The following TENM4 variants were observed in gnomAD, a reference collection of about 807,000 sequenced individuals.
TENM4 encodes teneurin-4.
A neutral mutation model predicts 243.3 loss-of-function variants in TENM4; 82 were observed. The observed-to-expected ratio is 0.34, with a 90% CI of 0.28 to 0.40. The LOEUF is 0.40. TENM4 is among the 10% of genes least tolerant of loss of function. The probability of loss-of-function intolerance (pLI) is 1.00; values close to 1 mark genes in which losing one functional copy is unlikely to be tolerated. For synonymous variants in TENM4, 1,412 were observed against 1,456.3 expected (o/e 0.97, Z 0.69); for missense variants, 3,138 against 3,673.3 (o/e 0.85, Z 3.77).
At chr11:79,330,090 G>C (rs1857037769) in intron 1 of TENM4, among the ~76,000 whole-genome samples, 1 of 152,184 alleles carries the variant, frequency 6.6e-6, no homozygotes, top group African/African-American at 2.4e-5. Flanking sequence ...GAAAAGCCCT[G>C]TTTGCCTATT....
chr11:79,133,336 T>C (rs940422975), intron 4 of TENM4, among the ~76,000 whole-genome samples: 1 of 152,046 alleles, frequency 6.6e-6, no homozygotes, highest in Admixed American at 6.6e-5. Context: ...CAATAACAAG[T>C]AGCGAAACTG....
At chr11:79,115,550 C>A (rs1280619438) in intron 4 of TENM4, among the ~76,000 whole-genome samples, 1 of 152,090 alleles carries the variant, frequency 6.6e-6, no homozygotes. Context: ...GGGTTTTCAC[C>A]CTGAATCTTA....
At chr11:79,265,917 C>T (rs1434905839) in intron 2 of TENM4, among the ~76,000 whole-genome samples, 2 of 152,194 alleles carry the variant, frequency 1.3e-5, no homozygotes, top group South Asian at 2.1e-4. Flanking sequence ...AAGATTTCCT[C>T]TCTCTGATGC....
chr11:78,960,438 G>A (rs1244637826), intron 6 of TENM4, among the ~76,000 whole-genome samples: 1 of 152,134 alleles, frequency 6.6e-6, no homozygotes, highest in Non-Finnish European at 1.5e-5. Flanking sequence ...TCATTTGGTG[G>A]GGGAACTCAA....
intron 6 of TENM4, among the ~76,000 whole-genome samples, chr11:78,909,586 G>A (rs548685671): frequency 1.3e-5 from 2 of 152,266 alleles, no homozygotes; most frequent in Admixed American, 6.5e-5. Context: ...TCCAAGTGTC[G>A]ACCACAATAA....
intron 1 of TENM4, among the ~76,000 whole-genome samples, chr11:79,311,104 C>T (rs1395350462): frequency 2.0e-5 from 3 of 152,110 alleles, no homozygotes; most frequent in Non-Finnish European, 2.9e-5. Flanking sequence ...TGGCGAATGT[C>T]GTAGCTAACA....
At chr11:78,879,699 A>G (rs373847413) in intron 9 of TENM4, among the ~76,000 whole-genome samples, 951 of 69,184 alleles carry the variant, frequency 0.014, no homozygotes, top group Middle Eastern at 0.047. Flanking sequence ...TGGCAGCCCC[A>G]TCTGGGAACT....
At chr11:78,837,228 A>G (rs1013024721) in intron 12 of TENM4, among the ~76,000 whole-genome samples, 4 of 152,146 alleles carry the variant, frequency 2.6e-5, no homozygotes, top group Non-Finnish European at 4.4e-5. Context: ...TACTGTTCTC[A>G]TGGTAGTGAA....
In TENM4 at chr11:78,880,685, G is replaced by A. The variant is rs376136073; in HGVS notation, c.1084+9100C>T. On this transcript the variant is annotated intron_variant, in intron 9 of 33. Transcript: ENST00000278550. ...GGTCAAGGATAACACACAGAAAACC[G>A]CAGAATGTTTCTGTTGTTTGCCCCA... Among the ~76,000 whole-genome samples, 123 of 152,264 alleles carry A rather than the reference G, an allele frequency of 8.1e-4. No homozygotes were observed. In the South Asian group the frequency reaches 8.7e-3, roughly 11 times the overall value.
intron 1 of TENM4, among the ~76,000 whole-genome samples, chr11:79,311,098 G>A (rs1195134084): frequency 6.6e-6 from 1 of 152,124 alleles, no homozygotes; most frequent in Non-Finnish European, 1.5e-5. Context: ...GGGTCTTGGC[G>A]AATGTCGTAG....
intron 6 of TENM4, among the ~76,000 whole-genome samples, chr11:79,056,047 C>T (rs773161854): frequency 2.6e-5 from 4 of 152,174 alleles, no homozygotes; most frequent in Non-Finnish European, 5.9e-5. Context: ...ACTCTTTCTT[C>T]CTTGAAGTCA....
chr11:79,322,525 T>G (rs1385376685), intron 1 of TENM4, among the ~76,000 whole-genome samples: 9 of 152,114 alleles, frequency 5.9e-5, no homozygotes, highest in Admixed American at 5.9e-4. Context: ...CTTTCCACCC[T>G]GCTCTAGTGC....
intron 26 of TENM4, among the ~76,000 whole-genome samples, chr11:78,708,916 T>A (rs1345318431): frequency 1.3e-4 from 20 of 152,024 alleles, no homozygotes; most frequent in Admixed American, 1.3e-3. Context: ...TCTGTAATTA[T>A]AATAATTAGT....
At chr11:79,325,285 T>C (rs1022905871) in intron 1 of TENM4, among the ~76,000 whole-genome samples, 16 of 152,198 alleles carry the variant, frequency 1.1e-4, no homozygotes, top group Admixed American at 2.6e-4. Flanking sequence ...ACACGGGCCA[T>C]ACATAGGCTA....
At chr11:78,948,000 G>A (rs747663303) in intron 6 of TENM4, among the ~76,000 whole-genome samples, 4 of 152,060 alleles carry the variant, frequency 2.6e-5, no homozygotes, top group Admixed American at 2.0e-4. Context: ...AATCTCACCC[G>A]TCCCAAGAAA....
chr11:78,916,562 T>C (rs1856321149), intron 6 of TENM4, among the ~76,000 whole-genome samples: 2 of 152,154 alleles, frequency 1.3e-5, no homozygotes, highest in Admixed American at 6.5e-5. Context: ...TTTTTAAATT[T>C]ATTTCCTTTA....
At chr11:78,714,478 C>T (rs1859477707) in intron 25 of TENM4, among the ~76,000 whole-genome samples, 1 of 140,184 alleles carries the variant, frequency 7.1e-6, no homozygotes, top group Non-Finnish European at 1.5e-5. Flanking sequence ...AACTGTCCTT[C>T]CTCTTTAATC....
chr11:79,387,227 T>C (rs1203996930), intron 1 of TENM4, among the ~76,000 whole-genome samples: 1 of 152,212 alleles, frequency 6.6e-6, no homozygotes, highest in Admixed American at 6.5e-5. Flanking sequence ...TAAGTCTGGA[T>C]AGCAGTTAAC....
intron 22 of TENM4, among the ~76,000 whole-genome samples, chr11:78,727,102 T>C (rs575709112): frequency 6.6e-6 from 1 of 152,340 alleles, no homozygotes; most frequent in East Asian, 1.9e-4. Context: ...TGGGAAATGC[T>C]TATGGAGCAA....
Sources: allele counts gnomAD v4.1 joint callset (sites outside exome capture counted in the v4.1 genomes callset), GRCh38; gene constraint gnomAD v4.1.1; transcripts MANE v1.5; gene names NCBI Gene and HGNC (gene_info 2026-07-23, HGNC 2026-07-21).